Variants in CCDC93 observed in about 807,000 individuals in gnomAD.
CCDC93 encodes the protein coiled-coil domain-containing protein 93.
Under a neutral mutation model 108.2 loss-of-function variants are expected in CCDC93, and 61 were observed. The ratio of observed to expected loss-of-function variants is 0.56; its 90% CI spans 0.46 to 0.70. The LOEUF is 0.70. Ranked by LOEUF, CCDC93 falls within the 30% of genes least tolerant of loss-of-function variation. The pLI is 0.00. For missense variants in CCDC93, 685 were observed against 764.2 expected, an observed-to-expected ratio of 0.90 and a Z score of 1.22; for synonymous variants, 276 against 260.4, an observed-to-expected ratio of 1.06 and a Z score of -0.58.
chr2:117,947,916 G>A, intron 15 of CCDC93, 189 bp downstream of exon 15: 2 of 547,008 alleles, frequency 3.7e-6, no homozygotes, highest in Middle Eastern at 3.8e-4. Context: ...GGATGGTCTC[G>A]ATCTCCTGAC....
At position 117,991,291 on chromosome 2, in the gene CCDC93, A is replaced by G. The variant is rs9789350; in HGVS notation, c.519+4155T>C. ...AATCAGCCAATGTTCTCGTAAGGAAATGAAGAGGTGGTAGGAGAGGACCCA... is the reference window on the plus strand; with the variant it reads ...AATCAGCCAATGTTCTCGTAAGGAAGTGAAGAGGTGGTAGGAGAGGACCCA... On this transcript the variant is annotated intron_variant, in intron 6 of 23. Transcript: ENST00000376300. Among the ~76,000 whole-genome samples, 8 of 152,280 alleles carry G rather than the reference A, an allele frequency of 5.3e-5. 1 individual carries two copies. Among genetic ancestry groups the G allele is most frequent in the Non-Finnish European group, 8.8e-5 (6 of 68,028 alleles).
rs919812391 is a variant in CCDC93, at chr2:118,011,134, C to G, written c.43-2476G>C. On this transcript the variant is annotated intron_variant, in intron 1 of 23. Coordinates refer to ENST00000376300, the MANE Select transcript of CCDC93 (RefSeq NM_019044.5). ...TTAAATAAAGAATGATCTACTAATG[C>G]TTACATAAAGTAAGTGAACCTAAAC... Among the ~76,000 whole-genome samples the G allele has an allele frequency of 3.9e-5, 6 of 152,118 alleles. No homozygotes were observed. The East Asian group carries it at 1.2e-3, about 29-fold the overall frequency.
chr2:117,948,020 T>C (rs1678931754), intron 15 of CCDC93, 85 bp downstream of exon 15: 3 of 1,094,802 alleles, frequency 2.7e-6, no homozygotes, highest in Non-Finnish European at 4.2e-6. Flanking sequence ...CTGCACTGGA[T>C]AGGATGCCAC....
At position 117,975,172 on chromosome 2, in the gene CCDC93, T is replaced by C. The variant is rs1463460667; in HGVS notation, c.750+16A>G. On this transcript the variant is annotated intron_variant, in intron 9 of 23. Coordinates refer to ENST00000376300, the MANE Select transcript of CCDC93 (RefSeq NM_019044.5). ...ACTTACACAGAAACCTCAGAGGGCC[T>C]ACATGGACCACACACCTCTTCAGCT... The C allele has an allele frequency of 2.5e-6, 4 of 1,606,786 alleles. No individual in the cohort carries two copies. In the South Asian group the frequency reaches 4.4e-5, roughly 18 times the overall value.
intron 16 of CCDC93, 77 bp from the exon 17 acceptor site, chr2:117,945,659 G>A (rs756590006): frequency 1.3e-5 from 16 of 1,268,074 alleles, no homozygotes; most frequent in Non-Finnish European, 1.8e-5. Flanking sequence ...CTAGATGTAG[G>A]AAGGGGCCAG....
chr2:117,926,718 G>A (rs1369025242), intron 23 of CCDC93, among the ~76,000 whole-genome samples: 1 of 152,126 alleles, frequency 6.6e-6, no homozygotes, highest in Non-Finnish European at 1.5e-5. Flanking sequence ...CATTCCTTCT[G>A]AAACTATTCC....
At chr2:117,955,504 T>C (rs1553454064) in intron 12 of CCDC93, among the ~76,000 whole-genome samples, 1 of 152,226 alleles carries the variant, frequency 6.6e-6, no homozygotes, top group Non-Finnish European at 1.5e-5. Flanking sequence ...GTTAAATAAA[T>C]TGTGTTACAT....
intron 11 of CCDC93, among the ~76,000 whole-genome samples, chr2:117,970,755 T>C (rs1027262715): frequency 1.3e-5 from 2 of 152,166 alleles, no homozygotes; most frequent in Admixed American, 1.3e-4. Context: ...TTCGATCCTC[T>C]CAGTGGTCTA....
At position 117,997,242 on chromosome 2, in the gene CCDC93, A is replaced by G. The variant is rs193283891; in HGVS notation, c.364-880T>C. ...CCTGCAGAAGATCCACCTGCAGAAGATCCACCCGCCCTGAGGGTAAAAACC... is the reference window on the plus strand; with the variant it reads ...CCTGCAGAAGATCCACCTGCAGAAGGTCCACCCGCCCTGAGGGTAAAAACC... On this transcript the variant is annotated intron_variant, in intron 4 of 23. Coordinates refer to ENST00000376300, the MANE Select transcript of CCDC93 (RefSeq NM_019044.5). 2.6e-5 allele frequency: 4 copies of G among 152,312 alleles called. No individual in the cohort carries two copies. The East Asian group carries it at 7.7e-4, about 29-fold the overall frequency. 9.4% of individuals were successfully genotyped at this position (152,312 alleles called of 1,614,324 possible). A position where few individuals can be genotyped will look rare whatever the true frequency, so the allele number is the denominator to read the frequency against.
rs1679581172 is a variant in CCDC93, at chr2:117,966,546, T to G, written c.888+7362A>C. Among the ~76,000 whole-genome samples, 4 of 152,324 alleles carry G rather than the reference T, an allele frequency of 2.6e-5. No homozygotes were observed. The South Asian group carries it at 8.3e-4, about 32-fold the overall frequency. On this transcript the variant is annotated intron_variant, in intron 11 of 23. Coordinates refer to ENST00000376300, the MANE Select transcript of CCDC93 (RefSeq NM_019044.5). ...GGCTTAAAAGGCAAAGGGTCCAACT[T>G]AGTGAGTGACAGAACTGAAGAGGCA...
chr2:118,001,905 G>A (rs1434268392), intron 3 of CCDC93, among the ~76,000 whole-genome samples: 1 of 152,144 alleles, frequency 6.6e-6, no homozygotes, highest in Non-Finnish European at 1.5e-5. Context: ...GACTCAAGGG[G>A]AGAGAAAAGA....
At chr2:117,994,040 T>A (rs903224095) in intron 6 of CCDC93, among the ~76,000 whole-genome samples, 6 of 152,158 alleles carry the variant, frequency 3.9e-5, no homozygotes, top group Non-Finnish European at 8.8e-5. Context: ...CCAGCAGGAA[T>A]CTTTTAACAG....
In CCDC93 at chr2:118,004,856, G is replaced by A. The variant is rs1219711470; in HGVS notation, c.251+1866C>T. On this transcript the variant is annotated intron_variant, in intron 3 of 23. Coordinates refer to ENST00000376300, the MANE Select transcript of CCDC93 (RefSeq NM_019044.5). Reference sequence around the variant, plus strand: ...TCAATCCCTTATCCAAACCCTTTGGGTCAGATGTGTTTCAGAATTCTGAAT... The same window carrying A: ...TCAATCCCTTATCCAAACCCTTTGGATCAGATGTGTTTCAGAATTCTGAAT... Among the ~76,000 whole-genome samples the A allele has an allele frequency of 2.6e-5, 4 of 152,200 alleles. No individual in the cohort carries two copies. The East Asian group carries it at 7.7e-4, about 29-fold the overall frequency.
At chr2:117,931,968 C>T (rs1313636455) in intron 22 of CCDC93, among the ~76,000 whole-genome samples, 1 of 152,178 alleles carries the variant, frequency 6.6e-6, no homozygotes, top group Non-Finnish European at 1.5e-5. Context: ...TAGAGATTCA[C>T]ATTAAGCAAG....
At position 117,965,054 on chromosome 2, in the gene CCDC93, A is replaced by G. The variant is rs529142058; in HGVS notation, c.889-6573T>C. On this transcript the variant is annotated intron_variant, in intron 11 of 23. Coordinates refer to ENST00000376300, the MANE Select transcript of CCDC93 (RefSeq NM_019044.5). ...CTCTAAAACTTCAGAGGTTAGGAAT[A>G]TGATTTATGCAACACCTATTATGTT... Among the ~76,000 whole-genome samples, 32 of 152,346 alleles carry G rather than the reference A, an allele frequency of 2.1e-4. No homozygotes were observed. The South Asian group carries it at 6.0e-3, about 29-fold the overall frequency.
At position 117,941,362 on chromosome 2, in the gene CCDC93, GC is replaced by G. The variant is rs1439190424; in HGVS notation, c.1414-66del. ...AAAGGCCTTACATGTTCTCTAGGGAGCCAAAATATTGCCTGCACCCCGACCT... is the reference window on the plus strand; with the variant it reads ...AAAGGCCTTACATGTTCTCTAGGGAGCAAAATATTGCCTGCACCCCGACCT... On this transcript the variant is annotated intron_variant, in intron 18 of 23. Transcript: ENST00000376300. 11 of 1,317,028 alleles carry G rather than the reference GC, an allele frequency of 8.4e-6. No individual in the cohort carries two copies. In the East Asian group the frequency reaches 2.3e-4, roughly 28 times the overall value. 81.6% of individuals were successfully genotyped at this position (1,317,028 alleles called of 1,614,324 possible). A position where few individuals can be genotyped will look rare whatever the true frequency, so the allele number is the denominator to read the frequency against.
In CCDC93 at chr2:117,919,997, G is replaced by A. The variant is rs934358225; in HGVS notation, c.*346C>T. ...CTCAGTGGTTGCTGAACTAATACTT[G>A]CTAAACAAATGAATTCTTCTTTATT... On this transcript the variant is annotated 3_prime_UTR_variant, in exon 24 of 24. Coordinates refer to ENST00000376300, the MANE Select transcript of CCDC93 (RefSeq NM_019044.5). 5.6e-6 allele frequency: 1 copy of A among 179,506 alleles called. No individual in the cohort carries two copies. Among genetic ancestry groups the A allele is most frequent in the Admixed American group, 6.1e-5 (1 of 16,510 alleles). 11.1% of individuals were successfully genotyped at this position (179,506 alleles called of 1,614,324 possible).
In CCDC93 at chr2:117,930,993, A is replaced by G. The variant is rs186345223; in HGVS notation, c.1842+44T>C. 17 of 1,290,324 alleles carry G rather than the reference A, an allele frequency of 1.3e-5. No individual in the cohort carries two copies. In the East Asian group the frequency reaches 1.4e-4, roughly 11 times the overall value. The allele number at this position is 1,290,324 out of a possible 1,614,324, so 79.9% of individuals were successfully genotyped here. On this transcript the variant is annotated intron_variant, in intron 23 of 23. Transcript: ENST00000376300. The stretch of plus-strand genomic sequence containing the variant: ...TAGTGGCTACTTTTGAGGTGAACAT[A>G]TATCTCACGTTAGCCTTAATGTGCT...
intron 22 of CCDC93, 127 bp downstream of exon 22, chr2:117,935,366 CTG>C: frequency 3.0e-6 from 2 of 674,682 alleles, no homozygotes; most frequent in Admixed American, 5.0e-5. Context: ...GGGAATACCT[CTG>C]TAGAAATGTG....
Sources: allele counts gnomAD v4.1 joint callset (sites outside exome capture counted in the v4.1 genomes callset), GRCh38; gene constraint gnomAD v4.1.1; transcripts MANE v1.5; gene names NCBI Gene and HGNC (gene_info 2026-07-23, HGNC 2026-07-21).